Variants in GPA33 observed in about 807,000 individuals in gnomAD.
GPA33 encodes glycoprotein A33, also known as cell surface A33 antigen.
A neutral mutation model predicts 35.6 loss-of-function variants in GPA33; 27 were observed. The observed-to-expected ratio is 0.76, with a 90% CI of 0.56 to 1.04. The LOEUF is 1.04. Ranked by LOEUF, GPA33 falls within the 50% of genes least tolerant of loss-of-function variation. The probability of loss-of-function intolerance (pLI) is 0.00; values close to 1 mark genes in which losing one functional copy is unlikely to be tolerated. For synonymous variants in GPA33, 176 were observed against 164.0 expected, an observed-to-expected ratio of 1.07 and a Z score of -0.56; for missense variants, 428 against 411.9, an observed-to-expected ratio of 1.04 and a Z score of -0.34.
At chr1:167,076,256 C>A (rs1571316139) in intron 1 of GPA33, among the ~76,000 whole-genome samples, 3 of 152,066 alleles carry the variant, frequency 2.0e-5, no homozygotes, top group Non-Finnish European at 4.4e-5. Flanking sequence ...CCTTGTAGGG[C>A]AAATGGGGCT....
intron 4 of GPA33, among the ~76,000 whole-genome samples, chr1:167,056,671 GTGA>G (rs1666277808): frequency 2.2e-4 from 1 of 4,492 alleles, no homozygotes; most frequent in African/African-American, 8.3e-4. Context: ...CGGTGAGTGT[GTGA>G]TGTGTCTGGT....
intron 1 of GPA33, among the ~76,000 whole-genome samples, chr1:167,076,345 G>T (rs961008823): frequency 1.3e-5 from 2 of 152,072 alleles, no homozygotes; most frequent in Admixed American, 6.5e-5. Flanking sequence ...TGTGGCTAAA[G>T]GTGCAAGTGG....
intron 1 of GPA33, among the ~76,000 whole-genome samples, chr1:167,086,086 A>G (rs1667041694): frequency 6.6e-6 from 1 of 152,158 alleles, no homozygotes; most frequent in African/African-American, 2.4e-5. Context: ...TCTTTTCTCC[A>G]TTGAGGCTGG....
chr1:167,065,302 A>G (rs1381438519), intron 3 of GPA33, among the ~76,000 whole-genome samples: 1 of 152,196 alleles, frequency 6.6e-6, no homozygotes, highest in Non-Finnish European at 1.5e-5. Context: ...CCAGTGGTGG[A>G]GGTGGGAGTG....
chr1:167,062,399 G>A (rs946618854), intron 4 of GPA33, among the ~76,000 whole-genome samples: 4 of 151,090 alleles, frequency 2.6e-5, no homozygotes, highest in African/African-American at 7.3e-5. Context: ...TAAAAATTTT[G>A]TTTGGAGACA....
At chr1:167,061,912 T>C (rs986346431) in intron 4 of GPA33, among the ~76,000 whole-genome samples, 7 of 152,120 alleles carry the variant, frequency 4.6e-5, no homozygotes, top group Non-Finnish European at 5.9e-5. Context: ...AAACGAGTGA[T>C]AAAGCTCTTC....
intron 1 of GPA33, among the ~76,000 whole-genome samples, chr1:167,073,913 A>AT (rs1346926394): frequency 6.6e-6 from 1 of 152,004 alleles, no homozygotes; most frequent in African/African-American, 2.4e-5. Context: ...ATGTGTAAGT[A>AT]TTTTTATTAC....
Position 167,054,061 on chromosome 1 carries a change from G to A in GPA33, c.*273C>T, listed in dbSNP as rs552127531. 21 of 459,218 alleles carry A rather than the reference G, an allele frequency of 4.6e-5. No individual in the cohort carries two copies. The highest frequency in any genetic ancestry group is 3.2e-4 in the African/African-American group (16 of 50,460). 28.4% of individuals were successfully genotyped at this position (459,218 alleles called of 1,614,324 possible). ...TCCTGCCAACTACGAGGGAAGTGGAGGCTGCAGCCTGGTCTTGAGTGAGGG... is the reference window on the plus strand; with the variant it reads ...TCCTGCCAACTACGAGGGAAGTGGAAGCTGCAGCCTGGTCTTGAGTGAGGG... On this transcript the variant is annotated 3_prime_UTR_variant, in exon 7 of 7. Coordinates refer to ENST00000367868, the MANE Select transcript of GPA33 (RefSeq NM_005814.3).
chr1:167,066,616 T>C (rs1666596924), intron 3 of GPA33, among the ~76,000 whole-genome samples: 1 of 152,164 alleles, frequency 6.6e-6, no homozygotes, highest in African/African-American at 2.4e-5. Context: ...GATCAAATCG[T>C]CCTTCCACAC....
chr1:167,053,643 G>A lies in GPA33; in HGVS notation c.*691C>T, dbSNP rs1385317506. Reference sequence around the variant, plus strand: ...TGTGGACAATTAGGATAGGGTTAGAGAAATCCTTGTGATTTGAGATGGGCC... The same window carrying A: ...TGTGGACAATTAGGATAGGGTTAGAAAAATCCTTGTGATTTGAGATGGGCC... On this transcript the variant is annotated 3_prime_UTR_variant, in exon 7 of 7. Transcript: ENST00000367868. The A allele has an allele frequency of 1.3e-5, 2 of 152,568 alleles. No individual in the cohort carries two copies. The highest frequency in any genetic ancestry group is 4.8e-5 in the African/African-American group (2 of 41,474). 9.5% of individuals were successfully genotyped at this position (152,568 alleles called of 1,614,324 possible).
In GPA33 at chr1:167,063,979, A is replaced by G. The variant is rs796876365; in HGVS notation, c.416-242T>C. 8.5e-5 allele frequency among the ~76,000 whole-genome samples: 13 copies of G among 152,340 alleles called. 1 individual carries two copies. The highest frequency in any genetic ancestry group is 3.1e-4 in the African/African-American group (13 of 41,584). ...CTGGGAAGCATTGCGGGCCTGCAGT[A>G]GCTTTCCAAGGCATGGCCTCATGTG... On this transcript the variant is annotated intron_variant, in intron 3 of 6. Transcript: ENST00000367868.
intron 1 of GPA33, among the ~76,000 whole-genome samples, chr1:167,085,543 G>A (rs1365819866): frequency 6.6e-6 from 1 of 152,150 alleles, no homozygotes; most frequent in African/African-American, 2.4e-5. Flanking sequence ...TCTTCCCTAT[G>A]GCCTTGCTTC....
chr1:167,089,461 C>T (rs947067764), intron 1 of GPA33, among the ~76,000 whole-genome samples: 2 of 152,192 alleles, frequency 1.3e-5, no homozygotes, highest in East Asian at 1.9e-4. Flanking sequence ...TTTGCCAAAC[C>T]CTGCGTCTCT....
intron 2 of GPA33, among the ~76,000 whole-genome samples, chr1:167,072,261 C>T (rs1421088877): frequency 6.6e-6 from 1 of 152,160 alleles, no homozygotes; most frequent in Admixed American, 6.5e-5. Context: ...CTGCCAGGCA[C>T]GTTTGCATTT....
chr1:167,056,087 AT>A (rs548947224), intron 4 of GPA33, among the ~76,000 whole-genome samples: 4 of 152,162 alleles, frequency 2.6e-5, no homozygotes, highest in South Asian at 2.1e-4. Context: ...CCACTTATTA[AT>A]TTGTCTTTAG....
At chr1:167,069,514 A>G (rs1666673951) in intron 2 of GPA33, among the ~76,000 whole-genome samples, 1 of 152,140 alleles carries the variant, frequency 6.6e-6, no homozygotes, top group Non-Finnish European at 1.5e-5. Context: ...TTTACTGAGC[A>G]CCTTCCATGT....
At chr1:167,089,461 C>A (rs947067764) in intron 1 of GPA33, among the ~76,000 whole-genome samples, 1 of 152,192 alleles carries the variant, frequency 6.6e-6, no homozygotes, top group South Asian at 2.1e-4. Context: ...TTTGCCAAAC[C>A]CTGCGTCTCT....
rs553060907 is a variant in GPA33 at position 167,054,124 on chromosome 1, C to T, written c.*210G>A. 951 of 617,408 alleles carry T rather than the reference C, an allele frequency of 1.5e-3. 8 individuals are homozygous for T. The highest frequency in any genetic ancestry group is 0.012 in the East Asian group (403 of 34,442). 38.2% of individuals were successfully genotyped at this position (617,408 alleles called of 1,614,324 possible). On this transcript the variant is annotated 3_prime_UTR_variant, in exon 7 of 7. Transcript: ENST00000367868. Reference sequence around the variant, plus strand: ...CAGGTGTCACAGCCAGGAGGGGTTACTTCACAGGACAGTGAGGTCAGCAGG... The same window carrying T: ...CAGGTGTCACAGCCAGGAGGGGTTATTTCACAGGACAGTGAGGTCAGCAGG...
At chr1:167,089,827 C>A (rs1667120676) in intron 1 of GPA33, among the ~76,000 whole-genome samples, 1 of 151,982 alleles carries the variant, frequency 6.6e-6, no homozygotes, top group Non-Finnish European at 1.5e-5. Flanking sequence ...GTCTCTTCTG[C>A]CTCAGTTTCC....
Sources: allele counts gnomAD v4.1 joint callset (sites outside exome capture counted in the v4.1 genomes callset), GRCh38; gene constraint gnomAD v4.1.1; transcripts MANE v1.5; gene names NCBI Gene and HGNC (gene_info 2026-07-23, HGNC 2026-07-21).